AMPD3: variants seen among roughly 807,000 people sequenced by gnomAD.
AMPD3 encodes the protein AMP deaminase 3.
In AMPD3, 57 loss-of-function variants were observed where a neutral mutation model predicts 82.3. That is an observed-to-expected ratio of 0.69 (90% CI 0.56 to 0.86). AMPD3 has a LOEUF of 0.86. AMPD3 is among the 40% of genes least tolerant of loss of function. AMPD3 has a pLI of 0.00. For synonymous variants in AMPD3, 381 were observed against 394.7 expected (o/e 0.97, Z 0.41); for missense variants, 870 against 1,003.8 (o/e 0.87, Z 1.80).
At position 10,494,996 on chromosome 11, in the gene AMPD3, A is replaced by G. The variant is rs767274643; in HGVS notation, c.1232A>G (p.Tyr411Cys). The change falls in exon 8 of 15, where the codon TAT (tyrosine) becomes TGT (cysteine). Residue 411 changes from tyrosine to cysteine, a missense_variant. Transcript: ENST00000396553. ...GACCTGTATTTGAAAACTGAAAACT[A>G]TCTGGGAGGAGAGTACTTTGCTCGG... ...LRDLYLKTENYLGGEYFARMV... is the reference protein window; with the variant it reads ...LRDLYLKTENCLGGEYFARMV... 19 of 1,614,236 alleles carry G rather than the reference A, an allele frequency of 1.2e-5. No homozygotes were observed. Among genetic ancestry groups the G allele is most frequent in the Non-Finnish European group, 1.4e-5 (16 of 1,180,026 alleles).
intron 2 of AMPD3, among the ~76,000 whole-genome samples, chr11:10,463,283 G>A (rs1848324145): frequency 6.6e-6 from 1 of 152,224 alleles, no homozygotes; most frequent in Non-Finnish European, 1.5e-5. Context: ...CAAGAACAGA[G>A]CTTCACCACT....
chr11:10,464,462 A>G (rs981317222), intron 2 of AMPD3, among the ~76,000 whole-genome samples: 1 of 152,224 alleles, frequency 6.6e-6, no homozygotes, highest in East Asian at 1.9e-4. Flanking sequence ...CCATAAGGCT[A>G]TCCCCTCTTC....
rs371363500 is a variant in AMPD3, at chr11:10,493,402, C to G, written c.993C>G (p.Arg331=). ...GCATGAACCAAAAGCATCTGCTGCG[C>G]TTCATCAAGCACACATACCAGACGG... ...AACMNQKHLL[R]FIKHTYQTEP... Residue 331 remains arginine, a synonymous_variant, in exon 7 of 15, where the codon CGC becomes CGG. Transcript: ENST00000396553. 4 of 1,614,120 alleles carry G rather than the reference C, an allele frequency of 2.5e-6. No homozygotes were observed. Among genetic ancestry groups the G allele is most frequent in the Non-Finnish European group, 3.4e-6 (4 of 1,180,056 alleles).
chr11:10,505,864 A>T lies in AMPD3; in HGVS notation c.2284A>T (p.Ile762Phe), dbSNP rs773042667. The T allele has an allele frequency of 8.1e-6, 13 of 1,613,964 alleles. No individual in the cohort carries two copies. Among genetic ancestry groups the T allele is most frequent in the Non-Finnish European group, 1.1e-5 (13 of 1,180,036 alleles). Residue 762 changes from isoleucine to phenylalanine, a missense_variant, in exon 15 of 15, where the codon ATC becomes TTC. Coordinates refer to ENST00000396553, the MANE Select transcript of AMPD3 (RefSeq NM_001025389.2). ...FLSDAMKSEE[I>F]TALTN ...GTCTGATGCTATGAAATCAGAAGAG[A>T]TCACCGCCTTGACCAACTAGGTCCA...
intron 6 of AMPD3, among the ~76,000 whole-genome samples, chr11:10,491,603 T>C (rs1849242117): frequency 6.6e-6 from 1 of 152,032 alleles, no homozygotes; most frequent in South Asian, 2.1e-4. Context: ...GTGGTGGCAG[T>C]GAGGTTGGAG....
At chr11:10,481,926 C>T in intron 3 of AMPD3, 137 bp from the exon 4 acceptor site, 1 of 1,003,198 alleles carries the variant, frequency 1.0e-6, no homozygotes, top group African/African-American at 1.6e-5. Flanking sequence ...TCTTATTGGT[C>T]AAGGAGTGGT....
upstream of AMPD3, among the ~76,000 whole-genome samples, chr11:10,453,791 G>A (rs1326624548): frequency 4.6e-5 from 7 of 151,990 alleles, no homozygotes; most frequent in South Asian, 6.2e-4. Flanking sequence ...GTTTCACCAC[G>A]TTGGCTAGGA....
intron 1 of AMPD3, 167 bp from the exon 2 acceptor site, chr11:10,461,348 A>T: frequency 1.9e-6 from 3 of 1,590,218 alleles, no homozygotes; most frequent in Non-Finnish European, 1.7e-6. Context: ...CCAGTTACTT[A>T]TTGAGCTAAT....
intron 2 of AMPD3, among the ~76,000 whole-genome samples, chr11:10,475,928 G>C (rs1456278601): frequency 2.0e-5 from 3 of 152,144 alleles, no homozygotes; most frequent in Non-Finnish European, 2.9e-5. Flanking sequence ...TTCCTTCCCA[G>C]AAACTCCAGA....
intron 6 of AMPD3, among the ~76,000 whole-genome samples, chr11:10,488,010 G>GA (rs200645626): frequency 1.7e-3 from 248 of 143,556 alleles, no homozygotes; most frequent in African/African-American, 3.5e-3. Flanking sequence ...TAAATTCCCT[G>GA]AAAAAAAAAA....
At chr11:10,481,817 GTCT>G in intron 3 of AMPD3, 1 of 544,486 alleles carries the variant, frequency 1.8e-6, no homozygotes. Context: ...CTGGTCACAT[GTCT>G]GCATAGCACA....
At chr11:10,485,125 T>G in intron 5 of AMPD3, 86 bp downstream of exon 5, 1 of 1,272,154 alleles carries the variant, frequency 7.9e-7, no homozygotes, top group Non-Finnish European at 1.1e-6. Context: ...CCCTCTGCCC[T>G]GGGGTCCCCT....
At chr11:10,485,577 C>T (rs910680488) in intron 5 of AMPD3, among the ~76,000 whole-genome samples, 35 of 152,114 alleles carry the variant, frequency 2.3e-4, no homozygotes, top group Non-Finnish European at 5.0e-4. Context: ...AGTGTGGAGC[C>T]TCTGCTTGCT....
chr11:10,475,574 A>G (rs1848715348), intron 2 of AMPD3, among the ~76,000 whole-genome samples: 1 of 152,182 alleles, frequency 6.6e-6, no homozygotes, highest in Non-Finnish European at 1.5e-5. Context: ...CTTAATCTCC[A>G]GATGCAGTGA....
Position 10,502,146 on chromosome 11 carries a change from T to A in AMPD3, c.1842+556T>A, listed in dbSNP as rs944281630. 9.1e-6 allele frequency: 9 copies of A among 985,312 alleles called. No individual in the cohort carries two copies. The African/African-American group carries it at 1.4e-4, about 15-fold the overall frequency. 61.0% of individuals were successfully genotyped at this position (985,312 alleles called of 1,614,324 possible). A position where few individuals can be genotyped will look rare whatever the true frequency, so the allele number is the denominator to read the frequency against. ...TCTCCGTATTTTGGATCACTTTCCA[T>A]TGGCACGATGTTTGATCAAAATGCT... is the stretch of plus-strand genomic sequence containing the variant. On this transcript the variant is annotated intron_variant, in intron 12 of 14. Transcript: ENST00000396553.
chr11:10,504,920 T>G (rs749836597), intron 14 of AMPD3: 1 of 187,964 alleles, frequency 5.3e-6, no homozygotes, highest in Non-Finnish European at 9.9e-6. Context: ...TTATTCTCTA[T>G]CCCCTTAATC....
chr11:10,478,582 A>G lies in AMPD3; in HGVS notation c.278A>G (p.Gln93Arg), dbSNP rs887869544. The G allele has an allele frequency of 8.1e-6, 13 of 1,614,096 alleles. No individual in the cohort carries two copies. Among genetic ancestry groups the G allele is most frequent in the Non-Finnish European group, 1.1e-5 (13 of 1,180,058 alleles). Residue 93 changes from glutamine (Q) to arginine (R), a missense_variant, in exon 3 of 15, where the codon CAG (glutamine) becomes CGG (arginine). Physicochemically the swap from Gln to Arg is conservative, Grantham distance 43. Coordinates refer to ENST00000396553, the MANE Select transcript of AMPD3 (RefSeq NM_001025389.2). ...TCCCTGTCTCTGCAAATGCCGCCAC[A>G]GCAAGATTGGAAGGGCCCCCCGGCA... is the stretch of plus-strand genomic sequence containing the variant. Reference protein sequence around the residue: ...SQSLSLQMPPQQDWKGPPAAS... With the variant: ...SQSLSLQMPPRQDWKGPPAAS...
Position 10,495,028 on chromosome 11 carries a change from A to G in AMPD3, c.1264A>G (p.Lys422Glu), listed in dbSNP as rs779599345. ...LGGEYFARMV[K>E]EVARELEESK... is the part of the protein sequence containing the mutation. Reference sequence around the variant, plus strand: ...AGGAGAGTACTTTGCTCGGATGGTCAAGGTGAGTGAACCCTCAGTCTCTCT... The same window carrying G: ...AGGAGAGTACTTTGCTCGGATGGTCGAGGTGAGTGAACCCTCAGTCTCTCT... The change falls in exon 8 of 15, where the codon AAG becomes GAG. Residue 422 changes from lysine (K) to glutamate (E), a missense_variant and splice_region_variant. Coordinates refer to ENST00000396553, the MANE Select transcript of AMPD3 (RefSeq NM_001025389.2). 4 of 1,614,062 alleles carry G rather than the reference A, an allele frequency of 2.5e-6. No individual in the cohort carries two copies. The highest frequency in any genetic ancestry group is 3.4e-6 in the Non-Finnish European group (4 of 1,180,008).
chr11:10,466,790 A>C (rs970970095), intron 2 of AMPD3, among the ~76,000 whole-genome samples: 1 of 152,166 alleles, frequency 6.6e-6, no homozygotes, highest in East Asian at 1.9e-4. Context: ...CATACAGGAG[A>C]GCTCTGGCTG....
Sources: gnomAD v4.1 joint callset for allele counts (sites outside exome capture counted in the v4.1 genomes callset) on GRCh38, gnomAD v4.1.1 for gene constraint, MANE v1.5 for transcripts, NCBI Gene and HGNC (gene_info 2026-07-23, HGNC 2026-07-21) for gene names.